Variants in CLVS1 observed in about 807,000 individuals in gnomAD.
The protein encoded by CLVS1 is clavesin 1, also known as clavesin-1.
A neutral mutation model predicts 33.1 loss-of-function variants in CLVS1; 10 were observed. The ratio of observed to expected loss-of-function variants is 0.30; its 90% CI spans 0.19 to 0.51. The LOEUF (loss-of-function observed/expected upper bound fraction) is 0.51. Among genes scored for constraint, CLVS1 ranks in the 20% least tolerant of loss-of-function variants. The pLI is 0.97. For missense variants in CLVS1, 343 were observed against 433.4 expected (o/e 0.79, Z 1.85); for synonymous variants, 163 against 166.1 (o/e 0.98, Z 0.14).
At chr8:61,020,083 C>T in the CLVS1 span, among the ~76,000 whole-genome samples, 1 of 152,194 alleles carries the variant, frequency 6.6e-6, no homozygotes. Flanking sequence ...TGGCAGGAAC[C>T]ATCACTGCCT....
intron 2 of CLVS1, among the ~76,000 whole-genome samples, chr8:61,319,945 A>G (rs1811136972): frequency 6.6e-6 from 1 of 151,970 alleles, no homozygotes; most frequent in Non-Finnish European, 1.5e-5. Context: ...TTATTTTTGC[A>G]TATGGTCTGT....
At position 61,458,516 on chromosome 8, in the gene CLVS1, A is replaced by G; in HGVS notation, c.951A>G (p.Arg317=). The change falls in exon 5 of 6, where the codon AGA becomes AGG. Residue 317 remains arginine, a synonymous_variant. Coordinates refer to ENST00000325897, the MANE Select transcript of CLVS1 (RefSeq NM_173519.3). ...HVKHTSSNLE[R]ECSPKLMKRS... is the part of the protein sequence containing the mutation. ...AGCATACGTCCTCGAATCTGGAGAGAGAATGCTCACCCAAGCTGATGAAAA... is the reference window on the plus strand; with the variant it reads ...AGCATACGTCCTCGAATCTGGAGAGGGAATGCTCACCCAAGCTGATGAAAA... 6.2e-7 allele frequency: 1 copy of G among 1,611,696 alleles called. No individual in the cohort carries two copies. The highest frequency in any genetic ancestry group is 8.5e-7 in the Non-Finnish European group (1 of 1,178,700).
chr8:61,011,864 G>C, the CLVS1 span, among the ~76,000 whole-genome samples: 662 of 152,322 alleles, frequency 4.3e-3, 6 homozygotes, highest in African/African-American at 0.015. Flanking sequence ...GGGTGTTGGG[G>C]AATGATGGGA....
At chr8:61,169,502 A>G (rs1290197995) in intron 2 of CLVS1, among the ~76,000 whole-genome samples, 1 of 152,224 alleles carries the variant, frequency 6.6e-6, no homozygotes, top group African/African-American at 2.4e-5. Context: ...CAGGCTGTTC[A>G]TTTATTCTTC....
intron 1 of CLVS1, among the ~76,000 whole-genome samples, chr8:61,289,776 G>A (rs528852037): frequency 6.6e-6 from 1 of 152,326 alleles, no homozygotes; most frequent in African/African-American, 2.4e-5. Context: ...TCTTGCGGAA[G>A]AAGTTCTGAG....
At chr8:61,028,558 A>G in the CLVS1 span, among the ~76,000 whole-genome samples, 1 of 152,154 alleles carries the variant, frequency 6.6e-6, no homozygotes, top group Non-Finnish European at 1.5e-5. Flanking sequence ...GTCACCTCAA[A>G]CTTAATTGGG....
chr8:61,237,826 C>CG (rs1009673103), intron 2 of CLVS1, among the ~76,000 whole-genome samples: 2 of 151,722 alleles, frequency 1.3e-5, no homozygotes, highest in African/African-American at 4.8e-5. Flanking sequence ...TCCAAATCCA[C>CG]GGGGGTTCAG....
chr8:61,203,262 G>T (rs16922680), intron 2 of CLVS1: 4 of 929,360 alleles, frequency 4.3e-6, no homozygotes, highest in Middle Eastern at 3.1e-4. Flanking sequence ...AAAATTTTCC[G>T]TCTTATTTCA....
intron 3 of CLVS1, among the ~76,000 whole-genome samples, chr8:61,438,789 G>A (rs917405858): frequency 6.6e-6 from 1 of 152,120 alleles, no homozygotes; most frequent in African/African-American, 2.4e-5. Flanking sequence ...TTCCTCGCCT[G>A]TAAAATGGGA....
the CLVS1 span, among the ~76,000 whole-genome samples, chr8:61,012,876 T>C: frequency 1.3e-5 from 2 of 152,174 alleles, no homozygotes; most frequent in South Asian, 4.1e-4. Flanking sequence ...CCCTAGAAGA[T>C]GGGTTGTCTG....
intron 1 of CLVS1, among the ~76,000 whole-genome samples, chr8:61,076,986 G>A (rs1804924613): frequency 6.6e-6 from 1 of 152,224 alleles, no homozygotes; most frequent in Non-Finnish European, 1.5e-5. Flanking sequence ...TTTGTTCTGA[G>A]AATGGGACTC....
At chr8:61,088,406 C>T (rs749303840) in intron 1 of CLVS1, among the ~76,000 whole-genome samples, 41 of 148,748 alleles carry the variant, frequency 2.8e-4, no homozygotes, top group Non-Finnish European at 4.1e-4. Flanking sequence ...AGGAGAATCA[C>T]TTGAACCTGG....
rs554327941 is a variant in CLVS1 at position 61,376,914 on chromosome 8, T to C, written c.630+135T>C. 4 of 745,566 alleles carry C rather than the reference T, an allele frequency of 5.4e-6. No homozygotes were observed. The South Asian group carries it at 1.2e-4, about 22-fold the overall frequency. The allele number at this position is 745,566 out of a possible 1,614,324, so 46.2% of individuals were successfully genotyped here. On this transcript the variant is annotated intron_variant, in intron 3 of 5. Coordinates refer to ENST00000325897, the MANE Select transcript of CLVS1 (RefSeq NM_173519.3). Reference sequence around the variant, plus strand: ...ATTAAATTCATCTGAGTACTCCATGTTTTTGCCTCAGCCAGAGTTTTAGAT... The same window carrying C: ...ATTAAATTCATCTGAGTACTCCATGCTTTTGCCTCAGCCAGAGTTTTAGAT...
intron 2 of CLVS1, among the ~76,000 whole-genome samples, chr8:61,208,302 A>G (rs1292698006): frequency 6.6e-6 from 1 of 152,216 alleles, no homozygotes; most frequent in Admixed American, 6.5e-5. Flanking sequence ...TAAAGACCCT[A>G]TCTTTCATAG....
chr8:61,062,485 C>T (rs1042073601), intron 1 of CLVS1, among the ~76,000 whole-genome samples: 4 of 152,090 alleles, frequency 2.6e-5, no homozygotes, highest in African/African-American at 7.3e-5. Flanking sequence ...GACCACCCTA[C>T]GTTCCTTAAA....
At chr8:61,214,099 A>G (rs996625964) in intron 2 of CLVS1, among the ~76,000 whole-genome samples, 19 of 152,200 alleles carry the variant, frequency 1.2e-4, no homozygotes, top group African/African-American at 4.3e-4. Context: ...AATTTTGGTC[A>G]GACCGGTTGC....
At chr8:61,065,105 T>G (rs1419327435) in intron 1 of CLVS1, among the ~76,000 whole-genome samples, 1 of 152,234 alleles carries the variant, frequency 6.6e-6, no homozygotes, top group Non-Finnish European at 1.5e-5. Flanking sequence ...GGCAATTGGT[T>G]CCAGGACACC....
the CLVS1 span, among the ~76,000 whole-genome samples, chr8:61,025,586 C>G: frequency 1.3e-5 from 2 of 152,206 alleles, no homozygotes; most frequent in Admixed American, 1.3e-4. Flanking sequence ...GTGAAATCAT[C>G]TTTTCTTCAC....
the CLVS1 span, among the ~76,000 whole-genome samples, chr8:61,020,809 G>C: frequency 6.6e-6 from 1 of 152,306 alleles, no homozygotes; most frequent in East Asian, 1.9e-4. Context: ...ATTTAGAGAT[G>C]CTTTGCTTCC....
Sources: gnomAD v4.1 joint callset for allele counts (sites outside exome capture counted in the v4.1 genomes callset) on GRCh38, gnomAD v4.1.1 for gene constraint, MANE v1.5 for transcripts, NCBI Gene and HGNC (gene_info 2026-07-23, HGNC 2026-07-21) for gene names.